Variants in CNOT10 observed in about 807,000 individuals in gnomAD.
CNOT10 encodes the protein CCR4-NOT transcription complex, subunit 10.
CNOT10 carries 30 observed loss-of-function variants against 94.6 expected under a neutral mutation model. That is an observed-to-expected ratio of 0.32 (90% confidence interval 0.24 to 0.43). The LOEUF is 0.43. CNOT10 is among the 20% of genes least tolerant of loss of function. The probability of loss-of-function intolerance (pLI) is 1.00; values close to 1 mark genes in which losing one functional copy is unlikely to be tolerated. For missense variants in CNOT10, 759 were observed against 877.2 expected (o/e 0.87, Z 1.70); for synonymous variants, 289 against 301.6 (o/e 0.96, Z 0.43).
chr3:32,711,739 CTG>C (rs1697897998), intron 4 of CNOT10, among the ~76,000 whole-genome samples: 1 of 152,256 alleles, frequency 6.6e-6, no homozygotes, highest in East Asian at 1.9e-4. Context: ...AGGTGAGAGG[CTG>C]TGTTTGGTGA....
chr3:32,709,528 G>A (rs1239098036), intron 4 of CNOT10, among the ~76,000 whole-genome samples: 1 of 152,178 alleles, frequency 6.6e-6, no homozygotes, highest in Non-Finnish European at 1.5e-5. Flanking sequence ...AAGTGGTGGG[G>A]TATGATAGCG....
At chr3:32,773,335 A>T in intron 18 of CNOT10, 122 bp from the exon 19 acceptor site, 1 of 1,010,530 alleles carries the variant, frequency 9.9e-7, no homozygotes, top group Non-Finnish European at 1.4e-6. Flanking sequence ...GTATACAGCC[A>T]AGGCTGCAGA....
chr3:32,711,046 C>A (rs1390339876), intron 4 of CNOT10, among the ~76,000 whole-genome samples: 2 of 152,150 alleles, frequency 1.3e-5, no homozygotes, highest in African/African-American at 4.8e-5. Flanking sequence ...ACAACATATG[C>A]TAATTGAGCA....
At chr3:32,726,578 C>T (rs547558930) in intron 9 of CNOT10, among the ~76,000 whole-genome samples, 1 of 151,258 alleles carries the variant, frequency 6.6e-6, no homozygotes, top group Admixed American at 6.6e-5. Context: ...CGCCTGTAGC[C>T]CCAGCTACTT....
intron 1 of CNOT10, among the ~76,000 whole-genome samples, chr3:32,699,564 G>C (rs1697236157): frequency 6.6e-6 from 1 of 152,210 alleles, no homozygotes; most frequent in Non-Finnish European, 1.5e-5. Flanking sequence ...GGTTCTTGAA[G>C]ATAAGGGAGT....
At chr3:32,719,041 G>A (rs1401642076) in intron 7 of CNOT10, among the ~76,000 whole-genome samples, 3 of 152,004 alleles carry the variant, frequency 2.0e-5, no homozygotes. Context: ...CCAAAGTCAG[G>A]AGTTCAAGAC....
At chr3:32,753,090 G>C (rs113686806) in intron 13 of CNOT10, 42 of 533,042 alleles carry the variant, frequency 7.9e-5, no homozygotes, top group Non-Finnish European at 1.8e-5. Flanking sequence ...TGTAATTACT[G>C]TGTTGCTGTT....
chr3:32,708,872 A>G (rs777484257), intron 4 of CNOT10, 52 bp downstream of exon 4: 1 of 1,463,544 alleles, frequency 6.8e-7, no homozygotes, highest in Non-Finnish European at 9.3e-7. Flanking sequence ...TACTTGCAGA[A>G]TTCTCTGGTA....
intron 13 of CNOT10, among the ~76,000 whole-genome samples, chr3:32,742,009 G>A (rs1485425532): frequency 6.6e-6 from 1 of 151,656 alleles, no homozygotes; most frequent in African/African-American, 2.4e-5. Flanking sequence ...AGGCTGGAGT[G>A]CAATGGCATG....
intron 13 of CNOT10, among the ~76,000 whole-genome samples, chr3:32,752,037 C>T (rs1699987157): frequency 6.6e-6 from 1 of 152,092 alleles, no homozygotes; most frequent in Non-Finnish European, 1.5e-5. Flanking sequence ...CACTGTAATC[C>T]CAGCACTTCG....
chr3:32,747,418 C>T (rs1046576648), intron 13 of CNOT10, among the ~76,000 whole-genome samples: 19 of 151,618 alleles, frequency 1.3e-4, no homozygotes, highest in African/African-American at 4.1e-4. Flanking sequence ...AGTGAAACTC[C>T]GTCTCAATAA....
intron 13 of CNOT10, among the ~76,000 whole-genome samples, chr3:32,748,893 CA>C (rs1468415510): frequency 6.6e-6 from 1 of 151,698 alleles, no homozygotes; most frequent in African/African-American, 2.4e-5. Flanking sequence ...TGCAGTGGCA[CA>C]GTCTTTGCTC....
intron 1 of CNOT10, among the ~76,000 whole-genome samples, chr3:32,699,327 T>C (rs1697226360): frequency 6.6e-6 from 1 of 152,256 alleles, no homozygotes; most frequent in Non-Finnish European, 1.5e-5. Context: ...CATCAAGTTA[T>C]ATAGACTTAA....
intron 1 of CNOT10, 141 bp from the exon 2 acceptor site, chr3:32,703,727 A>G (rs1697479421): frequency 1.6e-6 from 1 of 608,124 alleles, no homozygotes; most frequent in Non-Finnish European, 2.9e-6. Context: ...AAACTTAAGA[A>G]CTGCTTATTT....
At chr3:32,697,113 G>C (rs762138141) in intron 1 of CNOT10, among the ~76,000 whole-genome samples, 3 of 152,038 alleles carry the variant, frequency 2.0e-5, no homozygotes, top group Non-Finnish European at 4.4e-5. Flanking sequence ...ACCACGCCCA[G>C]CTAATTTTTG....
intron 9 of CNOT10, 128 bp from the exon 10 acceptor site, chr3:32,727,540 A>G: frequency 7.5e-6 from 5 of 662,612 alleles, no homozygotes; most frequent in South Asian, 7.0e-5. Context: ...GGCGAGAGCT[A>G]TTAAAACTCA....
At chr3:32,691,218 G>A (rs1477153412) in intron 1 of CNOT10, among the ~76,000 whole-genome samples, 1 of 146,970 alleles carries the variant, frequency 6.8e-6, no homozygotes, top group Non-Finnish European at 1.5e-5. Flanking sequence ...CTGGAGTGCA[G>A]TGGTGCAATC....
intron 8 of CNOT10, among the ~76,000 whole-genome samples, chr3:32,724,096 T>G (rs1279640463): frequency 1.3e-5 from 2 of 151,896 alleles, no homozygotes; most frequent in African/African-American, 2.4e-5. Flanking sequence ...AGAAAAAAAT[T>G]AATACGGGTG....
At chr3:32,726,979 T>C (rs1311829357) in intron 9 of CNOT10, among the ~76,000 whole-genome samples, 1 of 151,388 alleles carries the variant, frequency 6.6e-6, no homozygotes, top group African/African-American at 2.4e-5. Context: ...CCCGAGTAGC[T>C]GGGACTACAG....
Sources: gnomAD v4.1 joint callset for allele counts (sites outside exome capture counted in the v4.1 genomes callset) on GRCh38, gnomAD v4.1.1 for gene constraint, MANE v1.5 for transcripts, NCBI Gene and HGNC (gene_info 2026-07-23, HGNC 2026-07-21) for gene names.